Variants in CDC73 observed in about 807,000 individuals in gnomAD.
The protein encoded by CDC73 is cell division cycle 73, also known as parafibromin.
In CDC73, 21 loss-of-function variants were observed where a neutral mutation model predicts 83.7. The ratio of observed to expected loss-of-function variants is 0.25; its 90% CI spans 0.18 to 0.36. The LOEUF (loss-of-function observed/expected upper bound fraction) is 0.36. CDC73 is among the 10% of genes least tolerant of loss of function. The probability of loss-of-function intolerance (pLI) is 1.00; values close to 1 mark genes in which losing one functional copy is unlikely to be tolerated. For synonymous variants in CDC73, 224 were observed against 212.9 expected, an observed-to-expected ratio of 1.05 and a Z score of -0.45; for missense variants, 342 against 653.3, an observed-to-expected ratio of 0.52 and a Z score of 5.19.
At chr1:193,134,795 G>C (rs1172425938) in intron 3 of CDC73, among the ~76,000 whole-genome samples, 1 of 152,160 alleles carries the variant, frequency 6.6e-6, no homozygotes, top group African/African-American at 2.4e-5. Context: ...ATTAAAAAGG[G>C]TAAAAATAAT....
chr1:193,125,024 G>T (rs1675539364), intron 1 of CDC73, 88 bp from the exon 2 acceptor site: 1 of 760,024 alleles, frequency 1.3e-6, no homozygotes, highest in Admixed American at 1.8e-5. Context: ...ACTCATTGTT[G>T]TTAGCAAAGT....
At chr1:193,228,998 C>T (rs758432843) in intron 13 of CDC73, among the ~76,000 whole-genome samples, 3 of 151,550 alleles carry the variant, frequency 2.0e-5, no homozygotes, top group Non-Finnish European at 2.9e-5. Flanking sequence ...GGCCAATCAG[C>T]GCATGAAAAA....
chr1:193,222,645 C>T lies in CDC73; in HGVS notation c.1154+10168C>T, dbSNP rs577231575. On this transcript the variant is annotated intron_variant, in intron 13 of 16. Coordinates refer to ENST00000367435, the MANE Select transcript of CDC73 (RefSeq NM_024529.5). ...TAAATTTATCTGCTGTAGCTAGATG[C>T]GGATTTCTTTTTTATATACCCCACT... Among the ~76,000 whole-genome samples the T allele has an allele frequency of 1.1e-4, 17 of 151,736 alleles. No individual in the cohort carries two copies. In the South Asian group the frequency reaches 1.2e-3, roughly 11 times the overall value.
At chr1:193,186,710 A>G (rs1392176703) in intron 10 of CDC73, 1 of 152,132 alleles carries the variant, frequency 6.6e-6, no homozygotes, top group East Asian at 1.9e-4. Flanking sequence ...CTAAAAACCT[A>G]AGGTAGGGAG....
intron 10 of CDC73, among the ~76,000 whole-genome samples, chr1:193,201,503 G>A (rs1677091483): frequency 6.6e-6 from 1 of 152,086 alleles, no homozygotes; most frequent in African/African-American, 2.4e-5. Context: ...GCTAGCTCTA[G>A]TCTGTAAAAA....
At chr1:193,158,667 C>T (rs1191352598) in intron 10 of CDC73, among the ~76,000 whole-genome samples, 1 of 152,032 alleles carries the variant, frequency 6.6e-6, no homozygotes, top group Non-Finnish European at 1.5e-5. Flanking sequence ...TTATATTACA[C>T]TTTAAACAAT....
At chr1:193,163,016 A>C (rs1161285111) in intron 10 of CDC73, among the ~76,000 whole-genome samples, 1 of 152,178 alleles carries the variant, frequency 6.6e-6, no homozygotes, top group Non-Finnish European at 1.5e-5. Flanking sequence ...ATAATATTTT[A>C]GTAACTTATC....
intron 10 of CDC73, chr1:193,186,085 A>C (rs1415936919): frequency 1.3e-5 from 2 of 152,906 alleles, no homozygotes; most frequent in Admixed American, 1.3e-4. Context: ...GCACGCCATC[A>C]CTTCAGCAAA....
chr1:193,145,214 G>A (rs914801629), intron 7 of CDC73, among the ~76,000 whole-genome samples: 6 of 152,182 alleles, frequency 3.9e-5, no homozygotes, highest in Non-Finnish European at 7.4e-5. Context: ...GGATTTTAAA[G>A]TACCTATGCA....
intron 15 of CDC73, among the ~76,000 whole-genome samples, chr1:193,237,480 G>A (rs563939205): frequency 1.9e-4 from 29 of 152,086 alleles, no homozygotes; most frequent in Non-Finnish European, 7.4e-5. Flanking sequence ...TCTCTTACCC[G>A]GAGCCTGATA....
chr1:193,134,710 G>A (rs1675759168), intron 3 of CDC73, among the ~76,000 whole-genome samples: 1 of 152,044 alleles, frequency 6.6e-6, no homozygotes, highest in Non-Finnish European at 1.5e-5. Context: ...TGATATGGAG[G>A]GTTATGGGAG....
intron 2 of CDC73, among the ~76,000 whole-genome samples, chr1:193,127,131 G>A (rs371541994): frequency 2.6e-5 from 4 of 152,002 alleles, no homozygotes; most frequent in East Asian, 1.9e-4. Context: ...TTAGTCAGGC[G>A]TGGTAGTGTG....
rs577711896 is a variant in CDC73, at chr1:193,129,078, A to C, written c.238-1096A>C. Among the ~76,000 whole-genome samples the C allele has an allele frequency of 4.7e-5, 7 of 150,522 alleles. No homozygotes were observed. The South Asian group carries it at 1.5e-3, about 32-fold the overall frequency. ...AGTGGCGTGATCTCGGCTTACTGCA[A>C]CCTCTGCCGCCCAGGTTCAAGCGAT... is the stretch of plus-strand genomic sequence containing the variant. On this transcript the variant is annotated intron_variant, in intron 2 of 16. Coordinates refer to ENST00000367435, the MANE Select transcript of CDC73 (RefSeq NM_024529.5).
At chr1:193,149,831 CT>C (rs1676074071) in intron 8 of CDC73, among the ~76,000 whole-genome samples, 1 of 151,860 alleles carries the variant, frequency 6.6e-6, no homozygotes, top group Non-Finnish European at 1.5e-5. Context: ...GACTGACAGC[CT>C]TTTCTAATTA....
At chr1:193,148,165 A>G (rs1251949800) in intron 8 of CDC73, among the ~76,000 whole-genome samples, 200 bp downstream of exon 8, 1 of 152,252 alleles carries the variant, frequency 6.6e-6, no homozygotes, top group Non-Finnish European at 1.5e-5. Context: ...CTGGAGCAGT[A>G]ATTCTTAATA....
Position 193,252,652 on chromosome 1 carries a change from A to C in CDC73, c.*1940A>C, listed in dbSNP as rs1678062698. The stretch of plus-strand genomic sequence containing the variant: ...CCATCTATCTTAAAATCAGACCCTT[A>C]GTATAAGCACCTCTTTTTCTTTTCC... On this transcript the variant is annotated 3_prime_UTR_variant, in exon 17 of 17. Coordinates refer to ENST00000367435, the MANE Select transcript of CDC73 (RefSeq NM_024529.5). 2 of 231,418 alleles carry C rather than the reference A, an allele frequency of 8.6e-6. No individual in the cohort carries two copies. The highest frequency in any genetic ancestry group is 1.7e-5 in the Non-Finnish European group (2 of 116,924). 14.3% of individuals were successfully genotyped at this position (231,418 alleles called of 1,614,324 possible).
intron 13 of CDC73, among the ~76,000 whole-genome samples, chr1:193,226,874 T>A (rs140759207): frequency 0.012 from 1,859 of 152,290 alleles, 19 homozygotes; most frequent in South Asian, 0.034. Context: ...TCTTGTGGAA[T>A]AGCGTCAAAA....
At chr1:193,181,699 C>G (rs773265990) in intron 10 of CDC73, 2 of 819,706 alleles carry the variant, frequency 2.4e-6, no homozygotes, top group Non-Finnish European at 1.9e-6. Context: ...AAATGAAGCA[C>G]AAAAGTTTAC....
At chr1:193,181,859 A>G (rs1676723029) in intron 10 of CDC73, among the ~76,000 whole-genome samples, 1 of 152,176 alleles carries the variant, frequency 6.6e-6, no homozygotes, top group African/African-American at 2.4e-5. Flanking sequence ...TTTATTTAAA[A>G]ATATACCTTT....
Sources: allele counts gnomAD v4.1 joint callset (sites outside exome capture counted in the v4.1 genomes callset), GRCh38; gene constraint gnomAD v4.1.1; transcripts MANE v1.5; gene names NCBI Gene and HGNC (gene_info 2026-07-23, HGNC 2026-07-21).